AOAH: variants seen among roughly 807,000 people sequenced by gnomAD.
The protein encoded by AOAH is acyloxyacyl hydrolase (neutrophil).
In AOAH, 64 loss-of-function variants were observed where a neutral mutation model predicts 92.2. The ratio of observed to expected loss-of-function variants is 0.69; its 90% confidence interval spans 0.57 to 0.86. AOAH has a LOEUF of 0.86. Ranked by LOEUF, AOAH falls within the 40% of genes least tolerant of loss-of-function variation. AOAH has a pLI of 0.00. For missense variants in AOAH, 656 were observed against 694.6 expected (o/e 0.94, Z 0.62); for synonymous variants, 263 against 254.5 (o/e 1.03, Z -0.32).
chr7:36,672,159 G>A (rs955017678), intron 3 of AOAH, among the ~76,000 whole-genome samples: 3 of 152,176 alleles, frequency 2.0e-5, no homozygotes, highest in Non-Finnish European at 4.4e-5. Context: ...CCACAACAGA[G>A]CGAGATCGCT....
intron 1 of AOAH, among the ~76,000 whole-genome samples, chr7:36,711,942 A>G (rs1391702022): frequency 6.6e-6 from 1 of 152,214 alleles, no homozygotes; most frequent in Admixed American, 6.5e-5. Flanking sequence ...ACTAAGATCA[A>G]CCCTCACAGA....
At chr7:36,703,287 G>T (rs981440697) in intron 1 of AOAH, among the ~76,000 whole-genome samples, 2 of 152,042 alleles carry the variant, frequency 1.3e-5, no homozygotes, top group African/African-American at 4.8e-5. Context: ...TGTTCTTCAT[G>T]GCATCTAAAA....
In AOAH at chr7:36,558,874, C is replaced by G. The variant is rs568476372; in HGVS notation, c.1022-9399G>C. On this transcript the variant is annotated intron_variant, in intron 13 of 20. Transcript: ENST00000617537. ...AGTGACCCGATTTTCCAGGTGCCGT[C>G]TGTCACCCACTTCCTTGACCAGGAA... Among the ~76,000 whole-genome samples, 3 of 152,394 alleles carry G rather than the reference C, an allele frequency of 2.0e-5. No individual in the cohort carries two copies. In the South Asian group the frequency reaches 6.2e-4, roughly 32 times the overall value.
chr7:36,659,304 T>A, intron 3 of AOAH, 39 bp from the exon 4 acceptor site: 2 of 1,510,342 alleles, frequency 1.3e-6, no homozygotes, highest in Non-Finnish European at 9.2e-7. Context: ...TATTCAGATC[T>A]CTTAGGCATT....
At chr7:36,561,885 C>T (rs942246248) in intron 13 of AOAH, among the ~76,000 whole-genome samples, 4 of 152,164 alleles carry the variant, frequency 2.6e-5, no homozygotes, top group African/African-American at 9.7e-5. Flanking sequence ...GCTCACACCC[C>T]TGGGTCCCTT....
intron 11 of AOAH, among the ~76,000 whole-genome samples, chr7:36,615,407 A>C (rs1791790368): frequency 6.6e-6 from 1 of 152,200 alleles, no homozygotes. Flanking sequence ...AGGTTTGCTG[A>C]GGGCACCTGT....
chr7:36,640,113 G>A (rs919695155), intron 4 of AOAH, among the ~76,000 whole-genome samples: 2 of 152,136 alleles, frequency 1.3e-5, no homozygotes, highest in Non-Finnish European at 2.9e-5. Context: ...GGTGCACATG[G>A]GGGTGGCAGC....
At chr7:36,569,683 T>C (rs1787991961) in intron 13 of AOAH, among the ~76,000 whole-genome samples, 1 of 152,038 alleles carries the variant, frequency 6.6e-6, no homozygotes, top group African/African-American at 2.4e-5. Flanking sequence ...TAATCTCAGC[T>C]CACTGCAACC....
intron 6 of AOAH, among the ~76,000 whole-genome samples, chr7:36,630,100 G>A (rs1792968613): frequency 6.6e-6 from 1 of 152,218 alleles, no homozygotes; most frequent in African/African-American, 2.4e-5. Context: ...ACGCCTCACG[G>A]CCACCATTGG....
intron 4 of AOAH, among the ~76,000 whole-genome samples, chr7:36,647,797 GACATAGCATTCCAATGCCA>G (rs1196057101): frequency 4.6e-5 from 7 of 151,392 alleles, no homozygotes; most frequent in African/African-American, 1.7e-4. Flanking sequence ...CATAAATCCA[GACATAGCATTCCAATGCCA>G]TCTTCAGTTC....
intron 16 of AOAH, among the ~76,000 whole-genome samples, chr7:36,533,700 TTTG>T (rs1784837752): frequency 7.3e-6 from 1 of 136,396 alleles, no homozygotes; most frequent in Non-Finnish European, 1.6e-5. Flanking sequence ...TGTGTGTGTG[TTTG>T]TGTGTGTGTA....
intron 3 of AOAH, 118 bp downstream of exon 3, chr7:36,673,825 C>T: frequency 3.0e-6 from 2 of 669,480 alleles, no homozygotes; most frequent in Non-Finnish European, 5.1e-6. Flanking sequence ...TGGAATAACA[C>T]CTCGAGCCCT....
chr7:36,528,390 A>G (rs1410711581), intron 19 of AOAH, among the ~76,000 whole-genome samples: 2 of 152,170 alleles, frequency 1.3e-5, no homozygotes, highest in Non-Finnish European at 2.9e-5. Context: ...CCCTGCTTCC[A>G]AGCATATCAG....
At chr7:36,624,658 C>T (rs921701280) in intron 6 of AOAH, among the ~76,000 whole-genome samples, 10 of 152,186 alleles carry the variant, frequency 6.6e-5, no homozygotes, top group African/African-American at 9.7e-5. Flanking sequence ...GTTGGTTTCC[C>T]GCTCTGTCTT....
chr7:36,711,411 T>A (rs1224621215), intron 1 of AOAH, among the ~76,000 whole-genome samples: 1 of 152,166 alleles, frequency 6.6e-6, no homozygotes, highest in Non-Finnish European at 1.5e-5. Context: ...CATGCTGTCA[T>A]CATGGATTCT....
At chr7:36,637,952 T>G in intron 4 of AOAH, 42 bp from the exon 5 acceptor site, 1 of 1,492,486 alleles carries the variant, frequency 6.7e-7, no homozygotes, top group Non-Finnish European at 9.3e-7. Context: ...TCATGTTTTA[T>G]CTTTTCTTCC....
intron 6 of AOAH, among the ~76,000 whole-genome samples, chr7:36,625,040 G>A (rs1333356672): frequency 6.6e-6 from 1 of 152,100 alleles, no homozygotes; most frequent in African/African-American, 2.4e-5. Flanking sequence ...TGGGATGAGT[G>A]AGTGCTGGTT....
chr7:36,573,860 C>T (rs1333692734), intron 13 of AOAH, among the ~76,000 whole-genome samples: 2 of 152,158 alleles, frequency 1.3e-5, no homozygotes, highest in African/African-American at 4.8e-5. Context: ...TTTTAAGAAA[C>T]ACTTTACTAT....
intron 19 of AOAH, among the ~76,000 whole-genome samples, chr7:36,529,641 G>T (rs781330875): frequency 1.3e-5 from 2 of 152,114 alleles, no homozygotes; most frequent in Non-Finnish European, 2.9e-5. Flanking sequence ...TCCATCTTTC[G>T]CCTACACTGT....
Sources: gnomAD v4.1 joint callset for allele counts (sites outside exome capture counted in the v4.1 genomes callset) on GRCh38, gnomAD v4.1.1 for gene constraint, MANE v1.5 for transcripts, NCBI Gene and HGNC (gene_info 2026-07-23, HGNC 2026-07-21) for gene names.